Variants in NRBP2 observed in about 807,000 individuals in gnomAD.
NRBP2 encodes nuclear receptor binding protein 2.
In NRBP2, 47 loss-of-function variants were observed where a neutral mutation model predicts 74.4. The observed-to-expected ratio is 0.63, with a 90% CI of 0.50 to 0.81. NRBP2 has a LOEUF of 0.81. NRBP2 is among the 30% of genes least tolerant of loss of function. The pLI is 0.00. For synonymous variants in NRBP2, 312 were observed against 273.8 expected (o/e 1.14, Z -1.38); for missense variants, 613 against 690.1 (o/e 0.89, Z 1.25).
At position 143,838,145 on chromosome 8, in the gene NRBP2, G is replaced by C. The variant is rs561467852; in HGVS notation, c.841-390C>G. On this transcript the variant is annotated intron_variant, in intron 10 of 17. Transcript: ENST00000442628. ...TCCGTGCCCAGCCCGGCTCCAGCTCGCCACCAGCCCCGACCAGGCACCCCC... is the reference window on the plus strand; with the variant it reads ...TCCGTGCCCAGCCCGGCTCCAGCTCCCCACCAGCCCCGACCAGGCACCCCC... 3.0e-4 allele frequency: 130 copies of C among 434,968 alleles called. No homozygotes were observed. In the Middle Eastern group the frequency reaches 6.6e-3, roughly 22 times the overall value. The allele number at this position is 434,968 out of a possible 1,614,324, so 26.9% of individuals were successfully genotyped here. A position where few individuals can be genotyped will look rare whatever the true frequency, so the allele number is the denominator to read the frequency against.
At chr8:143,832,427 G>T (rs1362314761), downstream of NRBP2, among the ~76,000 whole-genome samples, 1 of 152,052 alleles carries the variant, frequency 6.6e-6, no homozygotes, top group East Asian at 1.9e-4. Flanking sequence ...GTGCTGAGGA[G>T]GATTAGTAAA....
rs1367256111 is a variant in NRBP2 at position 143,834,335 on chromosome 8, G to A, written c.*1327C>T. On this transcript the variant is annotated 3_prime_UTR_variant, in exon 18 of 18. Transcript: ENST00000442628. ...TGTAGGCAGCCTCTACAAGCTGGAA[G>A]TGGCCTTAGTTTACAGTCAGCAAGA... is the stretch of plus-strand genomic sequence containing the variant. 2.0e-5 allele frequency: 3 copies of A among 152,216 alleles called. No individual in the cohort carries two copies. Among genetic ancestry groups the A allele is most frequent in the African/African-American group, 7.2e-5 (3 of 41,458 alleles). 9.4% of individuals were successfully genotyped at this position (152,216 alleles called of 1,614,324 possible). A position where few individuals can be genotyped will look rare whatever the true frequency, so the allele number is the denominator to read the frequency against.
chr8:143,832,969 G>A (rs1818215395), downstream of NRBP2, among the ~76,000 whole-genome samples: 1 of 152,204 alleles, frequency 6.6e-6, no homozygotes, highest in African/African-American at 2.4e-5. Context: ...AGACAAACAG[G>A]TAAAGACTCC....
At position 143,834,594 on chromosome 8, in the gene NRBP2, G is replaced by A. The variant is rs892299915; in HGVS notation, c.*1068C>T. ...GCGGCAGTATAAAACTAATACAGTGGTGTGCCTTCCTGGTTGACATTTGAA... is the reference window on the plus strand; with the variant it reads ...GCGGCAGTATAAAACTAATACAGTGATGTGCCTTCCTGGTTGACATTTGAA... On this transcript the variant is annotated 3_prime_UTR_variant, in exon 18 of 18. Transcript: ENST00000442628. 1 of 152,270 alleles carries A rather than the reference G, an allele frequency of 6.6e-6. No homozygotes were observed. The highest frequency in any genetic ancestry group is 1.5e-5 in the Non-Finnish European group (1 of 68,054). The allele number at this position is 152,270 out of a possible 1,614,324, so 9.4% of individuals were successfully genotyped here.
At position 143,839,451 on chromosome 8, in the gene NRBP2, AG is replaced by A; in HGVS notation, c.486-44del. 1 of 1,533,316 alleles carries A rather than the reference AG, an allele frequency of 6.5e-7. No homozygotes were observed. The highest frequency in any genetic ancestry group is 8.7e-7 in the Non-Finnish European group (1 of 1,145,318). The allele number at this position is 1,533,316 out of a possible 1,614,324, so 95.0% of individuals were successfully genotyped here. The stretch of plus-strand genomic sequence containing the variant: ...GGGAGAGTAGGAGGAGCCGGTCAGG[AG>A]GCTCTGGAGAGATGGGGGCTCGGTG... On this transcript the variant is annotated intron_variant, in intron 5 of 17. Transcript: ENST00000442628. This position sits in a 1 kb window ranked among gnomAD's most constrained non-coding sequence, Gnocchi z 5.1.
rs782454622 is a variant in NRBP2 at position 143,838,874 on chromosome 8, G to A, written c.744+9C>T. 10 of 1,613,262 alleles carry A rather than the reference G, an allele frequency of 6.2e-6. No individual in the cohort carries two copies. The Admixed American group carries it at 6.7e-5, about 11-fold the overall frequency. On this transcript the variant is annotated intron_variant, in intron 9 of 17. Transcript: ENST00000442628. ...GGGCAGAGCACAAGGTGGAGGGCGGGGGCAGTACCTCCAGCGCACACATCC... is the reference window on the plus strand; with the variant it reads ...GGGCAGAGCACAAGGTGGAGGGCGGAGGCAGTACCTCCAGCGCACACATCC...
At chr8:143,836,080 G>A (rs1473752471) in intron 15 of NRBP2, 47 bp downstream of exon 15, 21 of 1,583,336 alleles carry the variant, frequency 1.3e-5, no homozygotes, top group African/African-American at 2.7e-5. Context: ...GCTCCGCCAC[G>A]CTCCCGCCTT....
rs537278369 is a variant in NRBP2, at chr8:143,834,535, G to T, written c.*1127C>A. 1 of 152,344 alleles carries T rather than the reference G, an allele frequency of 6.6e-6. No individual in the cohort carries two copies. Among genetic ancestry groups the T allele is most frequent in the East Asian group, 1.9e-4 (1 of 5,194 alleles). The allele number at this position is 152,344 out of a possible 1,614,324, so 9.4% of individuals were successfully genotyped here. On this transcript the variant is annotated 3_prime_UTR_variant, in exon 18 of 18. Coordinates refer to ENST00000442628, the MANE Select transcript of NRBP2 (RefSeq NM_178564.4). ...CAGCCTACAGAATTGCAATAAATTT[G>T]TGTTAAGTCACTAAGTTTGTGGTAA...
Position 143,835,804 on chromosome 8 carries a change from G to C in NRBP2, c.1437+16C>G. The C allele has an allele frequency of 6.3e-7, 1 of 1,599,704 alleles. No individual in the cohort carries two copies. Among genetic ancestry groups the C allele is most frequent in the Non-Finnish European group, 8.5e-7 (1 of 1,173,994 alleles). On this transcript the variant is annotated intron_variant, in intron 17 of 17. Transcript: ENST00000442628. The surrounding 1 kb of genome is among the most constrained non-coding windows in gnomAD (Gnocchi z 4.9). ...TGCGCCCCCTCCGCCAGGCCGCGCC[G>C]CACCGCCCAGCGCACCTCGTGGAGG...
Position 143,837,550 on chromosome 8 carries a change from G to C in NRBP2, c.974-41C>G, listed in dbSNP as rs574721728. The C allele has an allele frequency of 3.8e-5, 61 of 1,595,344 alleles. No homozygotes were observed. In the African/African-American group the frequency reaches 6.2e-4, roughly 16 times the overall value. On this transcript the variant is annotated intron_variant, in intron 11 of 17. Coordinates refer to ENST00000442628, the MANE Select transcript of NRBP2 (RefSeq NM_178564.4). This position sits in a 1 kb window ranked among gnomAD's most constrained non-coding sequence, Gnocchi z 4.3. The stretch of plus-strand genomic sequence containing the variant: ...CATCAAGGCGGTGTGCTCAGGCCGT[G>C]GGTCCTGCAGGGCCCCTTCCACGTC...
At chr8:143,829,862 G>T (rs1166707488), downstream of NRBP2, 1 of 152,298 alleles carries the variant, frequency 6.6e-6, no homozygotes, top group Non-Finnish European at 1.5e-5. Context: ...GATGACCCTA[G>T]GTTGGCTGAC....
chr8:143,832,174 T>A (rs543297466), downstream of NRBP2, among the ~76,000 whole-genome samples: 58 of 152,112 alleles, frequency 3.8e-4, no homozygotes, highest in African/African-American at 1.4e-3. Context: ...GTTGAATGGA[T>A]TAAGGGCGGT....
Position 143,839,108 on chromosome 8 carries a change from A to C in NRBP2, c.605-8T>G, listed in dbSNP as rs1040353995. On this transcript the variant is annotated splice_polypyrimidine_tract_variant and splice_region_variant and intron_variant, in intron 7 of 17. Transcript: ENST00000442628. The surrounding 1 kb of genome is among the most constrained non-coding windows in gnomAD (Gnocchi z 5.1). ...GGAGATCATCTGGAAGTGCTGTGGG[A>C]GGGCGCAGAGCTGAGCGGGCGGGGA... is the stretch of plus-strand genomic sequence containing the variant. The C allele has an allele frequency of 5.3e-6, 8 of 1,519,718 alleles. No homozygotes were observed. The highest frequency in any genetic ancestry group is 7.0e-6 in the Non-Finnish European group (8 of 1,136,654). 94.1% of individuals were successfully genotyped at this position (1,519,718 alleles called of 1,614,324 possible).
At chr8:143,830,114 T>C (rs1554649689), downstream of NRBP2, among the ~76,000 whole-genome samples, 3 of 152,230 alleles carry the variant, frequency 2.0e-5, no homozygotes, top group African/African-American at 7.2e-5. Context: ...TGGGAACATT[T>C]AGAATTTAAT....
At chr8:143,830,825 A>G (rs941565883), downstream of NRBP2, among the ~76,000 whole-genome samples, 1 of 152,250 alleles carries the variant, frequency 6.6e-6, no homozygotes, top group East Asian at 1.9e-4. Context: ...TCAGTCAATA[A>G]AAAGGAACTG....
Position 143,840,777 on chromosome 8 carries a change from CCTCCCGCTCCCG to C in NRBP2, c.46_57del (p.Arg16_Glu19del). 2 of 1,510,114 alleles carry C rather than the reference CCTCCCGCTCCCG, an allele frequency of 1.3e-6. No individual in the cohort carries two copies. The highest frequency in any genetic ancestry group is 2.0e-5 in the Admixed American group (1 of 49,044). 93.5% of individuals were successfully genotyped at this position (1,510,114 alleles called of 1,614,324 possible). On this transcript the variant is annotated inframe_deletion, in exon 1 of 18. Coordinates refer to ENST00000442628, the MANE Select transcript of NRBP2 (RefSeq NM_178564.4). This position sits in a 1 kb window ranked among gnomAD's most constrained non-coding sequence, Gnocchi z 5.7. ...ATGTCGCTCTCGTCCTCGCTCTCGT[CCTCCCGCTCCCG>C]CTCCCGTTCCCGGGCCCGCCTCGGC...
rs1355287463 is a variant in NRBP2, at chr8:143,834,854, G to C, written c.*808C>G. The C allele has an allele frequency of 6.6e-6, 1 of 152,570 alleles. No homozygotes were observed. The highest frequency in any genetic ancestry group is 1.9e-4 in the East Asian group (1 of 5,196). The allele number at this position is 152,570 out of a possible 1,614,324, so 9.5% of individuals were successfully genotyped here. A position where few individuals can be genotyped will look rare whatever the true frequency, so the allele number is the denominator to read the frequency against. Reference sequence around the variant, plus strand: ...AGAGGCCCAGGGAGCAGCTGCCCCAGGGAGGAGGTGCGGGAGGTAACATGG... The same window carrying C: ...AGAGGCCCAGGGAGCAGCTGCCCCACGGAGGAGGTGCGGGAGGTAACATGG... On this transcript the variant is annotated 3_prime_UTR_variant, in exon 18 of 18. Transcript: ENST00000442628.
rs1188182122 is a variant in NRBP2 at position 143,840,671 on chromosome 8, G to A, written c.129+35C>T. On this transcript the variant is annotated intron_variant, in intron 1 of 17. Coordinates refer to ENST00000442628, the MANE Select transcript of NRBP2 (RefSeq NM_178564.4). This position sits in a 1 kb window ranked among gnomAD's most constrained non-coding sequence, Gnocchi z 5.7. ...TCCAGGCCCCTCCCGCTCTGGGAGG[G>A]CGGTGTCACCCCGTGCCCCAACCCC... 7.7e-6 allele frequency: 11 copies of A among 1,435,866 alleles called. No individual in the cohort carries two copies. The highest frequency in any genetic ancestry group is 9.2e-6 in the Non-Finnish European group (10 of 1,091,720). The allele number at this position is 1,435,866 out of a possible 1,614,324, so 88.9% of individuals were successfully genotyped here.
chr8:143,839,681 G>T lies in NRBP2; in HGVS notation c.444+55C>A. On this transcript the variant is annotated intron_variant, in intron 4 of 17. Coordinates refer to ENST00000442628, the MANE Select transcript of NRBP2 (RefSeq NM_178564.4). This position sits in a 1 kb window ranked among gnomAD's most constrained non-coding sequence, Gnocchi z 5.1. ...GCACCCCCTCACCATCCCAGTCCCCGAGGCTGCCCCAACCCCGTCCTGTCC... is the reference window on the plus strand; with the variant it reads ...GCACCCCCTCACCATCCCAGTCCCCTAGGCTGCCCCAACCCCGTCCTGTCC... The T allele has an allele frequency of 6.5e-7, 1 of 1,531,244 alleles. No individual in the cohort carries two copies. The highest frequency in any genetic ancestry group is 8.7e-7 in the Non-Finnish European group (1 of 1,143,900). 94.9% of individuals were successfully genotyped at this position (1,531,244 alleles called of 1,614,324 possible). A position where few individuals can be genotyped will look rare whatever the true frequency, so the allele number is the denominator to read the frequency against.
Sources: allele counts gnomAD v4.1 joint callset (sites outside exome capture counted in the v4.1 genomes callset), GRCh38; gene constraint gnomAD v4.1.1; non-coding constraint Gnocchi (gnomAD v3.1); transcripts MANE v1.5; gene names NCBI Gene and HGNC (gene_info 2026-07-23, HGNC 2026-07-21).